FSTL4: variants seen among roughly 807,000 people sequenced by gnomAD.
FSTL4 encodes the protein follistatin like 4, also known as follistatin-related protein 4.
Under a neutral mutation model 78.2 loss-of-function variants are expected in FSTL4, and 28 were observed. The observed-to-expected ratio is 0.36, with a 90% CI of 0.27 to 0.49. The LOEUF (loss-of-function observed/expected upper bound fraction) is 0.49. Ranked by LOEUF, FSTL4 falls within the 20% of genes least tolerant of loss-of-function variation. The probability of loss-of-function intolerance (pLI) is 0.98; values close to 1 mark genes in which losing one functional copy is unlikely to be tolerated. For synonymous variants in FSTL4, 422 were observed against 440.5 expected (o/e 0.96, Z 0.53); for missense variants, 922 against 1,084.9 (o/e 0.85, Z 2.11).
intron 6 of FSTL4, among the ~76,000 whole-genome samples, chr5:133,305,991 A>T (rs1256129872): frequency 1.3e-5 from 2 of 152,124 alleles, no homozygotes; most frequent in African/African-American, 4.8e-5. Context: ...TGGCCTTCCC[A>T]CGGTGGTCTT....
At chr5:133,748,136 G>A in the FSTL4 span, among the ~76,000 whole-genome samples, 1 of 151,942 alleles carries the variant, frequency 6.6e-6, no homozygotes. Flanking sequence ...AGAGGTTGCA[G>A]TGAGCCGAGA....
intron 6 of FSTL4, among the ~76,000 whole-genome samples, chr5:133,261,855 G>A (rs185081244): frequency 7.9e-5 from 12 of 152,214 alleles, no homozygotes; most frequent in Admixed American, 7.8e-4. Flanking sequence ...AGCCGGGCAT[G>A]GTGGTGTGTG....
intron 3 of FSTL4, among the ~76,000 whole-genome samples, chr5:133,404,329 A>G (rs924470973): frequency 6.6e-6 from 1 of 152,162 alleles, no homozygotes; most frequent in Non-Finnish European, 1.5e-5. Flanking sequence ...TGATGATAAA[A>G]CAGTAATGGG....
the FSTL4 span, among the ~76,000 whole-genome samples, chr5:133,710,217 A>T: frequency 1.3e-5 from 2 of 152,196 alleles, no homozygotes; most frequent in African/African-American, 4.8e-5. Context: ...TGGACTCTGC[A>T]ATATGCTCAC....
chr5:133,464,232 C>G (rs1757654397), intron 3 of FSTL4, among the ~76,000 whole-genome samples: 1 of 152,200 alleles, frequency 6.6e-6, no homozygotes, highest in Non-Finnish European at 1.5e-5. Context: ...TATCTGAGCG[C>G]AAATCCACCA....
At chr5:133,416,941 G>A (rs1756589965) in intron 3 of FSTL4, among the ~76,000 whole-genome samples, 1 of 152,208 alleles carries the variant, frequency 6.6e-6, no homozygotes, top group Non-Finnish European at 1.5e-5. Context: ...TTTGGGTAAA[G>A]GATGTGGGGA....
chr5:133,662,630 CT>C, the FSTL4 span, among the ~76,000 whole-genome samples: 8 of 152,292 alleles, frequency 5.3e-5, no homozygotes, highest in East Asian at 1.4e-3. Flanking sequence ...CCATGAAAAA[CT>C]TTAGTGTTTG....
the FSTL4 span, among the ~76,000 whole-genome samples, chr5:133,786,074 C>T: frequency 1.3e-5 from 2 of 152,212 alleles, no homozygotes; most frequent in African/African-American, 2.4e-5. Flanking sequence ...ACTTCAGCAT[C>T]CCCAACTGGG....
chr5:133,324,965 C>T (rs947848885), intron 4 of FSTL4, among the ~76,000 whole-genome samples: 10 of 152,246 alleles, frequency 6.6e-5, no homozygotes, highest in Non-Finnish European at 1.5e-4. Context: ...ATGCTGTTCC[C>T]ATGGAGTGAA....
the FSTL4 span, among the ~76,000 whole-genome samples, chr5:133,832,953 A>C: frequency 6.6e-6 from 1 of 152,232 alleles, no homozygotes; most frequent in Non-Finnish European, 1.5e-5. Flanking sequence ...TTTTTGTGTC[A>C]CAAAATCTTT....
intron 4 of FSTL4, among the ~76,000 whole-genome samples, chr5:133,330,784 G>A (rs1250185697): frequency 2.0e-5 from 3 of 152,152 alleles, no homozygotes; most frequent in Non-Finnish European, 2.9e-5. Flanking sequence ...TCTGACAGGG[G>A]GTAAAGACAA....
chr5:133,352,271 T>C (rs200985613), intron 4 of FSTL4, among the ~76,000 whole-genome samples: 42 of 94,360 alleles, frequency 4.5e-4, no homozygotes, highest in Admixed American at 9.1e-4. Context: ...TATACACACA[T>C]ATATATATAC....
Position 133,603,872 on chromosome 5 carries a change from C to A in FSTL4, c.112G>T (p.Glu38Ter), listed in dbSNP as rs745929530. The change falls in exon 2 of 16, where the codon GAG (glutamate) becomes TAG (stop). Residue 38 changes from glutamate to a stop codon, truncating the protein, a stop_gained. Coordinates refer to ENST00000265342, the MANE Select transcript of FSTL4 (RefSeq NM_015082.2). LOFTEE classifies it high-confidence loss of function. ...TSRGPDVGVGESQAEEPRSFE... is the reference protein window; with the variant it reads ...TSRGPDVGVG The stretch of plus-strand genomic sequence containing the variant: ...TTTGACTATACCTCTGCCTGTGACT[C>A]CCCCACACCCACATCCGGGCCTCTG... The A allele has an allele frequency of 6.2e-7, 1 of 1,613,916 alleles. No individual in the cohort carries two copies. The highest frequency in any genetic ancestry group is 2.2e-5 in the East Asian group (1 of 44,896).
intron 8 of FSTL4, among the ~76,000 whole-genome samples, chr5:133,229,708 G>A (rs577671402): frequency 6.6e-6 from 1 of 152,322 alleles, no homozygotes; most frequent in East Asian, 1.9e-4. Context: ...GACTGAGGAA[G>A]AGCTGAGGGC....
the FSTL4 span, among the ~76,000 whole-genome samples, chr5:133,711,323 A>G: frequency 3.3e-5 from 5 of 152,334 alleles, no homozygotes; most frequent in East Asian, 9.6e-4. Flanking sequence ...CCCAGCCCCC[A>G]TCTAAAAAGA....
intron 3 of FSTL4, among the ~76,000 whole-genome samples, chr5:133,463,969 T>A (rs1434403667): frequency 6.6e-6 from 1 of 152,240 alleles, no homozygotes; most frequent in African/African-American, 2.4e-5. Flanking sequence ...TGCCAAACTA[T>A]TCTTCCATGT....
At chr5:133,582,546 T>C (rs1324084630) in intron 2 of FSTL4, among the ~76,000 whole-genome samples, 1 of 151,766 alleles carries the variant, frequency 6.6e-6, no homozygotes, top group Admixed American at 6.6e-5. Flanking sequence ...GACTCTGGAG[T>C]GGGGAGGGGT....
chr5:133,524,714 A>G (rs1759055398), intron 3 of FSTL4, among the ~76,000 whole-genome samples: 1 of 152,124 alleles, frequency 6.6e-6, no homozygotes, highest in Non-Finnish European at 1.5e-5. Context: ...TACTGCAGTG[A>G]TTCAAACGTA....
Position 133,225,757 on chromosome 5 carries a change from G to A in FSTL4, c.1078C>T (p.Leu360=), listed in dbSNP as rs1415775529. ...GGAATGCCCTCAGCATGGCATCTTAGGCTGGCTGCCACTCCAGGCTCCTGT... is the reference window on the plus strand; with the variant it reads ...GGAATGCCCTCAGCATGGCATCTTAAGCTGGCTGCCACTCCAGGCTCCTGT... ...QAQEPGVAAS[L]RCHAEGIPMP... Residue 360 remains leucine, a synonymous_variant, in exon 9 of 16, where the codon CTA becomes TTA. Coordinates refer to ENST00000265342, the MANE Select transcript of FSTL4 (RefSeq NM_015082.2). The surrounding 1 kb of genome is among the most constrained non-coding windows in gnomAD (Gnocchi z 4.6). The A allele has an allele frequency of 4.3e-6, 7 of 1,611,076 alleles. No individual in the cohort carries two copies. Among genetic ancestry groups the A allele is most frequent in the Non-Finnish European group, 5.1e-6 (6 of 1,178,546 alleles).
Sources: gnomAD v4.1 joint callset for allele counts (sites outside exome capture counted in the v4.1 genomes callset) on GRCh38, gnomAD v4.1.1 for gene constraint, Gnocchi (gnomAD v3.1) non-coding constraint, MANE v1.5 for transcripts, NCBI Gene and HGNC (gene_info 2026-07-23, HGNC 2026-07-21) for gene names.